Variants in COLGALT2 observed in about 807,000 individuals in gnomAD.
COLGALT2 encodes procollagen galactosyltransferase 2.
COLGALT2 carries 49 observed loss-of-function variants against 73.4 expected under a neutral mutation model. That is an observed-to-expected ratio of 0.67 (90% CI 0.53 to 0.85). The LOEUF is 0.85. Among genes scored for constraint, COLGALT2 ranks in the 40% least tolerant of loss-of-function variants. The pLI is 0.00. For missense variants in COLGALT2, 722 were observed against 790.2 expected (o/e 0.91, Z 1.03); for synonymous variants, 295 against 307.6 (o/e 0.96, Z 0.43).
rs115002693 is a variant in COLGALT2 at position 184,012,644 on chromosome 1, A to G, written c.263+24451T>C. 6.3e-3 allele frequency among the ~76,000 whole-genome samples: 957 copies of G among 152,314 alleles called. 6 individuals are homozygous for G. The highest frequency in any genetic ancestry group is 0.021 in the African/African-American group (880 of 41,552). On this transcript the variant is annotated intron_variant, in intron 1 of 11. Transcript: ENST00000361927. ...ATTTCAAAGGCAGTCTATTCCTATC[A>G]TCAAAAAAGCAAAATAAGAAAATGG...
At chr1:183,973,830 G>C in intron 3 of COLGALT2, 80 bp from the exon 4 acceptor site, 3 of 1,386,820 alleles carry the variant, frequency 2.2e-6, no homozygotes, top group Non-Finnish European at 3.0e-6. Context: ...CCTTCTGAAG[G>C]ATCCCAGAAA....
intron 1 of COLGALT2, among the ~76,000 whole-genome samples, chr1:184,034,284 T>TA (rs1649604974): frequency 6.6e-6 from 1 of 152,004 alleles, no homozygotes; most frequent in Non-Finnish European, 1.5e-5. Flanking sequence ...TTATCTTTTT[T>TA]TTTTTTTTTG....
chr1:183,944,363 T>G, intron 9 of COLGALT2, 40 bp from the exon 10 acceptor site: 1 of 1,580,644 alleles, frequency 6.3e-7, no homozygotes, highest in South Asian at 1.2e-5. Context: ...TATGAAAAGT[T>G]TGAAACCCAA....
chr1:183,979,358 A>G (rs1408895682), intron 1 of COLGALT2, among the ~76,000 whole-genome samples: 1 of 152,180 alleles, frequency 6.6e-6, no homozygotes, highest in Non-Finnish European at 1.5e-5. Flanking sequence ...CCTGACAACA[A>G]ACGAGGTAGA....
At chr1:183,977,233 A>T (rs1671220885) in intron 2 of COLGALT2, among the ~76,000 whole-genome samples, 1 of 152,052 alleles carries the variant, frequency 6.6e-6, no homozygotes. Flanking sequence ...GCACTTTGGG[A>T]GGTCAAGGCG....
intron 6 of COLGALT2, 50 bp downstream of exon 6, chr1:183,963,851 C>T: frequency 6.7e-7 from 1 of 1,491,922 alleles, no homozygotes; most frequent in Non-Finnish European, 9.0e-7. Flanking sequence ...CTGGTATGGT[C>T]ACTGTGGCAA....
chr1:184,037,725 T>C lies in COLGALT2; in HGVS notation c.-368A>G, dbSNP rs892596799. On this transcript the variant is annotated 5_prime_UTR_variant, in exon 1 of 12. Coordinates refer to ENST00000361927, the MANE Select transcript of COLGALT2 (RefSeq NM_015101.4). Reference sequence around the variant, plus strand: ...CTGTGGCCTTCCCTAGAGCCGCGAGTTGTGGCCCTGTCTGCCAATGAGCCT... The same window carrying C: ...CTGTGGCCTTCCCTAGAGCCGCGAGCTGTGGCCCTGTCTGCCAATGAGCCT... 4.3e-5 allele frequency: 39 copies of C among 905,780 alleles called. No individual in the cohort carries two copies. The highest frequency in any genetic ancestry group is 5.2e-5 in the Non-Finnish European group (39 of 754,556). 56.1% of individuals were successfully genotyped at this position (905,780 alleles called of 1,614,324 possible).
chr1:183,953,428 A>G (rs2102797910), intron 7 of COLGALT2, among the ~76,000 whole-genome samples: 1 of 152,154 alleles, frequency 6.6e-6, no homozygotes, highest in South Asian at 2.1e-4. Flanking sequence ...CCCAAAGAAG[A>G]CCGGAACTGG....
chr1:183,990,222 CT>C (rs1226378123), intron 1 of COLGALT2, among the ~76,000 whole-genome samples: 2 of 152,208 alleles, frequency 1.3e-5, no homozygotes, highest in African/African-American at 4.8e-5. Context: ...AGACATTTGT[CT>C]CTTCTGTTTA....
At chr1:183,988,185 C>T (rs1013670805) in intron 1 of COLGALT2, among the ~76,000 whole-genome samples, 1 of 152,098 alleles carries the variant, frequency 6.6e-6, no homozygotes, top group Non-Finnish European at 1.5e-5. Flanking sequence ...GTAACTAATT[C>T]TCTCAACCCA....
chr1:184,014,172 T>C (rs1648924303), intron 1 of COLGALT2, among the ~76,000 whole-genome samples: 1 of 152,138 alleles, frequency 6.6e-6, no homozygotes, highest in African/African-American at 2.4e-5. Flanking sequence ...ACCAGACTAC[T>C]TGAGGTGAGG....
rs571744887 is a variant in COLGALT2, at chr1:183,962,995, G to A, written c.952+906C>T. ...CTCCACTGCCCACGTTCACACCCCCGTGCTCTACTGATGAATAACAGAAAA... is the reference window on the plus strand; with the variant it reads ...CTCCACTGCCCACGTTCACACCCCCATGCTCTACTGATGAATAACAGAAAA... On this transcript the variant is annotated intron_variant, in intron 6 of 11. Transcript: ENST00000361927. 3.6e-4 allele frequency among the ~76,000 whole-genome samples: 55 copies of A among 152,166 alleles called. No individual in the cohort carries two copies. The South Asian group carries it at 1.0e-2, about 28-fold the overall frequency.
At chr1:183,980,855 A>G (rs1671330495) in intron 1 of COLGALT2, among the ~76,000 whole-genome samples, 1 of 152,174 alleles carries the variant, frequency 6.6e-6, no homozygotes, top group South Asian at 2.1e-4. Flanking sequence ...TTATTAAGAA[A>G]ATATAGCATG....
intron 1 of COLGALT2, among the ~76,000 whole-genome samples, chr1:184,020,657 T>C (rs1486253168): frequency 6.6e-6 from 1 of 152,202 alleles, no homozygotes; most frequent in African/African-American, 2.4e-5. Flanking sequence ...ATTATTCTGG[T>C]TTACTTTCTC....
In COLGALT2 at chr1:184,037,669, C is replaced by G. The variant is rs1649740694; in HGVS notation, c.-312G>C. On this transcript the variant is annotated 5_prime_UTR_variant, in exon 1 of 12. Coordinates refer to ENST00000361927, the MANE Select transcript of COLGALT2 (RefSeq NM_015101.4). The stretch of plus-strand genomic sequence containing the variant: ...GCCCTGAGTCCTGAGGAAAGTTCCT[C>G]TAGTCCAGGTTCCGCTCGTACAGCT... 3.9e-6 allele frequency: 4 copies of G among 1,023,758 alleles called. No individual in the cohort carries two copies. Among genetic ancestry groups the G allele is most frequent in the Non-Finnish European group, 3.5e-6 (3 of 855,162 alleles). The allele number at this position is 1,023,758 out of a possible 1,614,324, so 63.4% of individuals were successfully genotyped here.
chr1:183,962,569 C>G (rs542061306), intron 6 of COLGALT2, among the ~76,000 whole-genome samples: 2 of 152,126 alleles, frequency 1.3e-5, no homozygotes, highest in Non-Finnish European at 2.9e-5. Flanking sequence ...CTCTATGCCT[C>G]CCTTTTGCTC....
At chr1:183,930,258 G>C (rs1009480007) in exon 12 of COLGALT2, 31 of 456,174 alleles carry the variant, frequency 6.8e-5, no homozygotes, top group Non-Finnish European at 1.2e-4. Context: ...GAAAGTGTTT[G>C]GAAGAGATGG....
At chr1:184,031,403 A>C (rs1649506012) in intron 1 of COLGALT2, among the ~76,000 whole-genome samples, 1 of 152,226 alleles carries the variant, frequency 6.6e-6, no homozygotes, top group Admixed American at 6.5e-5. Flanking sequence ...ATTAGAGTTC[A>C]CTAAAAAGTG....
intron 1 of COLGALT2, among the ~76,000 whole-genome samples, chr1:184,018,763 A>G (rs370137070): frequency 3.1e-4 from 47 of 152,214 alleles, no homozygotes; most frequent in Admixed American, 2.6e-3. Flanking sequence ...TGAATATACA[A>G]TCTTTCAAAG....
Sources: gnomAD v4.1 joint callset for allele counts (sites outside exome capture counted in the v4.1 genomes callset) on GRCh38, gnomAD v4.1.1 for gene constraint, MANE v1.5 for transcripts, NCBI Gene and HGNC (gene_info 2026-07-23, HGNC 2026-07-21) for gene names.